SYN3: variants seen among roughly 807,000 people sequenced by gnomAD.
SYN3 encodes the protein synapsin III.
Under a neutral mutation model 65.8 loss-of-function variants are expected in SYN3, and 35 were observed. The observed-to-expected ratio is 0.53, with a 90% confidence interval of 0.41 to 0.70. The LOEUF is 0.70. Ranked by LOEUF, SYN3 falls within the 30% of genes least tolerant of loss-of-function variation. The pLI, the probability that SYN3 is intolerant of heterozygous loss-of-function variation, is 0.00. For missense variants in SYN3, 680 were observed against 749.0 expected, an observed-to-expected ratio of 0.91 and a Z score of 1.08; for synonymous variants, 270 against 292.9, an observed-to-expected ratio of 0.92 and a Z score of 0.80.
chr22:33,046,478 G>A (rs1010436685), intron 1 of SYN3, among the ~76,000 whole-genome samples: 3 of 152,162 alleles, frequency 2.0e-5, no homozygotes, highest in African/African-American at 7.2e-5. Flanking sequence ...CCAGCACTTT[G>A]GGAGGCCGAG....
chr22:32,598,838 T>A (rs2059240928), intron 6 of SYN3, among the ~76,000 whole-genome samples: 1 of 152,090 alleles, frequency 6.6e-6, no homozygotes, highest in South Asian at 2.1e-4. Context: ...TACCCTGGTG[T>A]CTATGGTGAA....
intron 4 of SYN3, among the ~76,000 whole-genome samples, chr22:32,897,093 G>A (rs1267527288): frequency 6.6e-6 from 1 of 152,124 alleles, no homozygotes; most frequent in Non-Finnish European, 1.5e-5. Context: ...GTCCCCTGGG[G>A]CCAAGTAGGT....
intron 6 of SYN3, among the ~76,000 whole-genome samples, chr22:32,651,184 T>G (rs2060065199): frequency 6.6e-6 from 1 of 152,074 alleles, no homozygotes; most frequent in South Asian, 2.1e-4. Flanking sequence ...ACTAAGGAGG[T>G]CAGTGAGTCT....
Position 33,009,373 on chromosome 22 carries a change from T to C in SYN3, c.-162-2549A>G, listed in dbSNP as rs865842794. ...TTATTTTGTCTGATATTTAATGACA[T>C]TGAACAAGTTTCATGGGTTTACTGG... On this transcript the variant is annotated intron_variant, in intron 1 of 13. Coordinates refer to ENST00000358763, the MANE Select transcript of SYN3 (RefSeq NM_003490.4). 4.6e-5 allele frequency among the ~76,000 whole-genome samples: 7 copies of C among 152,314 alleles called. 1 individual carries two copies. The South Asian group carries it at 1.2e-3, about 27-fold the overall frequency.
chr22:32,822,931 A>AC (rs1246571332), intron 6 of SYN3, among the ~76,000 whole-genome samples: 2 of 10,472 alleles, frequency 1.9e-4, no homozygotes, highest in Non-Finnish European at 3.6e-4. Context: ...AACAACAACA[A>AC]AAAAAAAACA....
chr22:32,952,875 A>G (rs182245357), intron 3 of SYN3, among the ~76,000 whole-genome samples: 200 of 152,320 alleles, frequency 1.3e-3, no homozygotes, highest in African/African-American at 4.5e-3. Context: ...TCTGATCTCC[A>G]CCCCTGCCTT....
At chr22:32,528,078 T>A in intron 11 of SYN3, 73 bp from the exon 12 acceptor site, 1 of 1,159,104 alleles carries the variant, frequency 8.6e-7, no homozygotes, top group Non-Finnish European at 1.2e-6. Context: ...GGGCAGCATT[T>A]ATGAAGATCT....
intron 3 of SYN3, among the ~76,000 whole-genome samples, chr22:32,951,599 T>C (rs2051292423): frequency 6.6e-6 from 1 of 152,224 alleles, no homozygotes; most frequent in South Asian, 2.1e-4. Flanking sequence ...AATGCCCATT[T>C]TGCAGATGTC....
chr22:32,539,966 G>T (rs188445668), intron 8 of SYN3, among the ~76,000 whole-genome samples: 1 of 152,322 alleles, frequency 6.6e-6, no homozygotes, highest in East Asian at 1.9e-4. Flanking sequence ...CCATCTGAGA[G>T]CAGTGGCAGG....
chr22:32,745,255 C>G (rs2044894123), intron 6 of SYN3, among the ~76,000 whole-genome samples: 1 of 152,202 alleles, frequency 6.6e-6, no homozygotes, highest in Admixed American at 6.5e-5. Context: ...CTGATATTGG[C>G]TCCTGTTCCC....
At chr22:32,743,776 C>A (rs1471635599) in intron 6 of SYN3, among the ~76,000 whole-genome samples, 1 of 152,054 alleles carries the variant, frequency 6.6e-6, no homozygotes, top group South Asian at 2.1e-4. Context: ...GGAGACTGGG[C>A]GGCCTGAGGC....
intron 6 of SYN3, among the ~76,000 whole-genome samples, chr22:32,651,709 C>T (rs371627631): frequency 6.6e-6 from 1 of 152,140 alleles, no homozygotes; most frequent in Admixed American, 6.5e-5. Flanking sequence ...TAACCTACAC[C>T]CTGCTTCCCA....
intron 12 of SYN3, among the ~76,000 whole-genome samples, chr22:32,518,695 A>G (rs1359642169): frequency 1.3e-5 from 2 of 152,192 alleles, no homozygotes; most frequent in Non-Finnish European, 2.9e-5. Context: ...AGACTGGAAG[A>G]CTGTACACTA....
chr22:32,720,168 C>T (rs998672995), intron 6 of SYN3, among the ~76,000 whole-genome samples: 1 of 152,232 alleles, frequency 6.6e-6, no homozygotes, highest in South Asian at 2.1e-4. Context: ...CTAAGATCTA[C>T]AGCACAGAGC....
intron 3 of SYN3, among the ~76,000 whole-genome samples, chr22:32,941,421 C>G (rs576825550): frequency 2.0e-5 from 3 of 152,260 alleles, no homozygotes; most frequent in South Asian, 2.1e-4. Context: ...TTATTTTTTG[C>G]GCATTTGTTG....
intron 6 of SYN3, among the ~76,000 whole-genome samples, chr22:32,671,228 C>A (rs1277266277): frequency 6.6e-6 from 1 of 152,022 alleles, no homozygotes; most frequent in Non-Finnish European, 1.5e-5. Context: ...CAAAACCCGC[C>A]CATTTTCACA....
chr22:32,525,889 G>C (rs1436627073), intron 12 of SYN3, among the ~76,000 whole-genome samples: 1 of 152,180 alleles, frequency 6.6e-6, no homozygotes, highest in Non-Finnish European at 1.5e-5. Flanking sequence ...GAGAAATCTT[G>C]TGTGAAAGGG....
chr22:32,729,461 G>C (rs1016987442), intron 6 of SYN3, among the ~76,000 whole-genome samples: 1 of 152,320 alleles, frequency 6.6e-6, no homozygotes, highest in East Asian at 1.9e-4. Context: ...GGGCAGATGG[G>C]AGGCACCTTC....
intron 6 of SYN3, among the ~76,000 whole-genome samples, chr22:32,807,377 T>TA (rs1160372893): frequency 9.2e-6 from 1 of 108,752 alleles, no homozygotes; most frequent in Non-Finnish European, 1.7e-5. Flanking sequence ...ATATTATATA[T>TA]AATATATATT....
Sources: gnomAD v4.1 joint callset for allele counts (sites outside exome capture counted in the v4.1 genomes callset) on GRCh38, gnomAD v4.1.1 for gene constraint, MANE v1.5 for transcripts, NCBI Gene and HGNC (gene_info 2026-07-23, HGNC 2026-07-21) for gene names.